ATAD2B: variants seen among roughly 807,000 people sequenced by gnomAD.
ATAD2B encodes the protein ATPase family AAA domain containing 2B, also known as ATPase family AAA domain-containing protein 2B.
ATAD2B carries 40 observed loss-of-function variants against 167.6 expected under a neutral mutation model. That is an observed-to-expected ratio of 0.24 (90% CI 0.19 to 0.31). The LOEUF is 0.31. ATAD2B is among the 10% of genes least tolerant of loss of function. ATAD2B has a pLI of 1.00. For synonymous variants in ATAD2B, 579 were observed against 596.5 expected, an observed-to-expected ratio of 0.97 and a Z score of 0.43; for missense variants, 1,242 against 1,757.2, an observed-to-expected ratio of 0.71 and a Z score of 5.24.
At chr2:23,698,568 A>T in the ATAD2B span, among the ~76,000 whole-genome samples, 1 of 151,666 alleles carries the variant, frequency 6.6e-6, no homozygotes, top group East Asian at 1.9e-4. Flanking sequence ...GGTGCATTAT[A>T]ATTATATTAC....
At chr2:23,747,171 A>T (rs1028030268), downstream of ATAD2B, among the ~76,000 whole-genome samples, 2 of 152,122 alleles carry the variant, frequency 1.3e-5, no homozygotes, top group African/African-American at 4.8e-5. Context: ...CAGAAGAAAT[A>T]TAATACTTTT....
intron 9 of ATAD2B, 181 bp downstream of exon 9, chr2:23,869,482 C>A: frequency 1.7e-6 from 1 of 575,494 alleles, no homozygotes. Context: ...TACTTTCAGA[C>A]TAAATGATTT....
chr2:23,788,181 G>T, intron 20 of ATAD2B: 1 of 228,544 alleles, frequency 4.4e-6, no homozygotes, highest in Non-Finnish European at 8.6e-6. Context: ...CAACCTGCCA[G>T]TTCAACTCCT....
At position 23,884,770 on chromosome 2, in the gene ATAD2B, T is replaced by C; in HGVS notation, c.779A>G (p.Glu260Gly). Residue 260 changes from glutamate to glycine, a missense_variant, in exon 6 of 28, where the codon GAA becomes GGA. By Grantham distance (98) the Glu-to-Gly change is moderately conservative. Coordinates refer to ENST00000238789, the MANE Select transcript of ATAD2B (RefSeq NM_017552.4). Reference protein sequence around the residue: ...NHHEVSTEGEEEESQEEDGDI... With the variant: ...NHHEVSTEGEGEESQEEDGDI... ...CCAAAAAGTGCTTTACAAACCTTCT[T>C]CTTCACCCTCAGTAGAAACTTCATG... 2 of 1,577,028 alleles carry C rather than the reference T, an allele frequency of 1.3e-6. No homozygotes were observed. Among genetic ancestry groups the C allele is most frequent in the Non-Finnish European group, 1.7e-6 (2 of 1,161,954 alleles).
At chr2:23,682,089 A>G in the ATAD2B span, among the ~76,000 whole-genome samples, 5 of 150,656 alleles carry the variant, frequency 3.3e-5, no homozygotes, top group African/African-American at 1.2e-4. This position sits in a 1 kb window ranked among gnomAD's most constrained non-coding sequence, Gnocchi z 4.1. Context: ...CCCTCCAAAA[A>G]CCTGTTAGTG....
At chr2:23,695,931 G>A in the ATAD2B span, 6,122 of 1,548,962 alleles carry the variant, frequency 4.0e-3, 21 homozygotes, top group Middle Eastern at 7.4e-3. The surrounding 1 kb of genome is among the most constrained non-coding windows in gnomAD (Gnocchi z 7.6). Context: ...TCCCAAGGGC[G>A]CCCATCCATG....
chr2:23,827,942 T>C (rs1235971511), intron 15 of ATAD2B: 2 of 152,650 alleles, frequency 1.3e-5, no homozygotes, highest in African/African-American at 2.4e-5. Flanking sequence ...TGATGGTGGA[T>C]CACAATGATT....
At chr2:23,907,798 A>T (rs1022376534) in intron 1 of ATAD2B, among the ~76,000 whole-genome samples, 19 of 152,212 alleles carry the variant, frequency 1.2e-4, no homozygotes, top group Non-Finnish European at 1.8e-4. Flanking sequence ...GAGATATAGA[A>T]CAATGGAACA....
rs546290787 is a variant in ATAD2B, at chr2:23,872,346, G to C, written c.978-2585C>G. The C allele has an allele frequency of 1.8e-4, 111 of 610,018 alleles. No homozygotes were observed. The East Asian group carries it at 3.7e-3, about 20-fold the overall frequency. 37.8% of individuals were successfully genotyped at this position (610,018 alleles called of 1,614,324 possible). On this transcript the variant is annotated intron_variant, in intron 8 of 27. Transcript: ENST00000238789. ...TGCACCTGATGGTCTTCAAGTTCTT[G>C]TCAAATTCATAGACAATGGGAATAC...
intron 15 of ATAD2B, among the ~76,000 whole-genome samples, chr2:23,825,338 G>A (rs1163645356): frequency 6.6e-6 from 1 of 151,942 alleles, no homozygotes; most frequent in Non-Finnish European, 1.5e-5. Context: ...CAAAGTTAGG[G>A]AAAAACTTAA....
chr2:23,754,218 GTAGA>G lies in ATAD2B; in HGVS notation c.4292_4295del (p.Ile1431ThrfsTer13). On this transcript the variant is annotated frameshift_variant, in exon 27 of 28. Transcript: ENST00000238789. LOFTEE classifies it high-confidence loss of function. ...ATTTGTCATAATCTTTACGATGACG[GTAGA>G]TACACTGACTAAGAAGAGAATATAA... The G allele has an allele frequency of 6.4e-7, 1 of 1,559,722 alleles. No homozygotes were observed. The highest frequency in any genetic ancestry group is 8.7e-7 in the Non-Finnish European group (1 of 1,150,232).
rs557004274 is a variant in ATAD2B, at chr2:23,885,023, A to T, written c.676-150T>A. 9.3e-6 allele frequency: 4 copies of T among 428,726 alleles called. No homozygotes were observed. The South Asian group carries it at 2.2e-4, about 24-fold the overall frequency. 26.6% of individuals were successfully genotyped at this position (428,726 alleles called of 1,614,324 possible). A position where few individuals can be genotyped will look rare whatever the true frequency, so the allele number is the denominator to read the frequency against. On this transcript the variant is annotated intron_variant, in intron 5 of 27. Transcript: ENST00000238789. ...GTGAAAATGGAGCTTCCTAAATTCAATAAATGTAAGAAATAAAAGGGAAAA... is the reference window on the plus strand; with the variant it reads ...GTGAAAATGGAGCTTCCTAAATTCATTAAATGTAAGAAATAAAAGGGAAAA...
intron 9 of ATAD2B, 107 bp from the exon 10 acceptor site, chr2:23,868,053 A>G (rs549243635): frequency 4.2e-6 from 3 of 721,476 alleles, no homozygotes; most frequent in African/African-American, 3.6e-5. Flanking sequence ...CCTTTTTCTC[A>G]TAACCCAGAA....
Position 23,749,255 on chromosome 2 carries a change from A to C in ATAD2B, c.*2791T>G, listed in dbSNP as rs1675111358. The C allele has an allele frequency of 6.6e-6, 1 of 152,092 alleles. No homozygotes were observed. Among genetic ancestry groups the C allele is most frequent in the East Asian group, 1.9e-4 (1 of 5,168 alleles). The allele number at this position is 152,092 out of a possible 1,614,324, so 9.4% of individuals were successfully genotyped here. A position where few individuals can be genotyped will look rare whatever the true frequency, so the allele number is the denominator to read the frequency against. ...TCAGTTTCAACCCTAGTGCGGTTCC[A>C]TCATCTTCAAAAAGCCCCCAGGGTC... On this transcript the variant is annotated 3_prime_UTR_variant, in exon 28 of 28. Transcript: ENST00000238789.
At chr2:23,893,367 A>G (rs911736133) in intron 2 of ATAD2B, among the ~76,000 whole-genome samples, 4 of 152,274 alleles carry the variant, frequency 2.6e-5, no homozygotes, top group African/African-American at 7.2e-5. Context: ...AAGGACTTCA[A>G]TAAGTTTACC....
At chr2:23,693,235 C>T in the ATAD2B span, 1 of 1,523,346 alleles carries the variant, frequency 6.6e-7, no homozygotes, top group Non-Finnish European at 8.9e-7. Context: ...CTTCCCGGGC[C>T]TTTGGGTCAG....
intron 1 of ATAD2B, among the ~76,000 whole-genome samples, chr2:23,905,555 A>G (rs1379292446): frequency 6.6e-6 from 1 of 152,114 alleles, no homozygotes; most frequent in Non-Finnish European, 1.5e-5. Flanking sequence ...AATGCCACAG[A>G]CTCTGAAGTT....
intron 1 of ATAD2B, among the ~76,000 whole-genome samples, chr2:23,922,891 C>G (rs1338595843): frequency 2.0e-5 from 3 of 152,056 alleles, no homozygotes; most frequent in Non-Finnish European, 2.9e-5. Context: ...AAAAGGGAAT[C>G]CTGGTACATG....
the ATAD2B span, among the ~76,000 whole-genome samples, chr2:23,728,322 C>T: frequency 2.0e-5 from 3 of 151,992 alleles, no homozygotes; most frequent in Non-Finnish European, 4.4e-5. Flanking sequence ...ATAAAATATG[C>T]ATGTACAACA....
Sources: gnomAD v4.1 joint callset for allele counts (sites outside exome capture counted in the v4.1 genomes callset) on GRCh38, gnomAD v4.1.1 for gene constraint, Gnocchi (gnomAD v3.1) non-coding constraint, MANE v1.5 for transcripts, NCBI Gene and HGNC (gene_info 2026-07-23, HGNC 2026-07-21) for gene names.